C16orf96: variants seen among roughly 807,000 people sequenced by gnomAD.
The protein encoded by C16orf96 is uncharacterized protein C16orf96.
A neutral mutation model predicts 103.6 loss-of-function variants in C16orf96; 108 were observed. The ratio of observed to expected loss-of-function variants is 1.04; its 90% CI spans 0.89 to 1.22. C16orf96 has a LOEUF of 1.22. C16orf96 is among the 50% of genes most tolerant of loss of function. C16orf96 has a pLI of 0.00. For synonymous variants in C16orf96, 566 were observed against 593.5 expected, an observed-to-expected ratio of 0.95 and a Z score of 0.67; for missense variants, 1,586 against 1,464.2, an observed-to-expected ratio of 1.08 and a Z score of -1.36.
the C16orf96 span, chr16:4,538,787 G>C: frequency 1.3e-5 from 2 of 152,200 alleles, no homozygotes; most frequent in Non-Finnish European, 2.9e-5. Flanking sequence ...ACAAGGAGGC[G>C]GGTAGACTTT....
intron 1 of C16orf96, among the ~76,000 whole-genome samples, chr16:4,565,808 G>A: frequency 6.6e-6 from 1 of 152,270 alleles, no homozygotes; most frequent in East Asian, 1.9e-4. Flanking sequence ...CCTTTTGACT[G>A]TTATGAATAT....
chr16:4,560,040 C>G (rs1419610948), intron 1 of C16orf96: 3 of 152,066 alleles, frequency 2.0e-5, no homozygotes, highest in Non-Finnish European at 2.9e-5. Flanking sequence ...TTTTTTGAGA[C>G]AGAGTCTCAC....
At position 4,556,922 on chromosome 16, in the gene C16orf96, C is replaced by G. The variant is rs1392494839; in HGVS notation, c.420+13C>G. 9.2e-6 allele frequency: 14 copies of G among 1,524,304 alleles called. No individual in the cohort carries two copies. The highest frequency in any genetic ancestry group is 1.1e-5 in the Non-Finnish European group (12 of 1,130,360). 94.4% of individuals were successfully genotyped at this position (1,524,304 alleles called of 1,614,324 possible). A position where few individuals can be genotyped will look rare whatever the true frequency, so the allele number is the denominator to read the frequency against. On this transcript the variant is annotated intron_variant, in intron 1 of 15. Coordinates refer to ENST00000444310, the MANE Select transcript of C16orf96 (RefSeq NM_001145011.2). Reference sequence around the variant, plus strand: ...AGTCATGGCCAAGGTACGCCCCCAGCCTCCAGACACTTCTTTTCCTCCCTT... The same window carrying G: ...AGTCATGGCCAAGGTACGCCCCCAGGCTCCAGACACTTCTTTTCCTCCCTT...
rs1324276352 is a variant in C16orf96 at position 4,556,596 on chromosome 16, A to G, written c.107A>G (p.His36Arg). The G allele has an allele frequency of 2.6e-6, 4 of 1,551,722 alleles. No homozygotes were observed. Among genetic ancestry groups the G allele is most frequent in the Non-Finnish European group, 3.5e-6 (4 of 1,147,016 alleles). Residue 36 changes from histidine (H) to arginine (R), a missense_variant, in exon 1 of 16, where the codon CAC (histidine) becomes CGC (arginine). Transcript: ENST00000444310. ...CTCCTGCTGCACGGCATCTTGGAGC[A>G]CATCCACATGGCCGAGCTCAAGAAA... The part of the protein sequence containing the change: ...LHLLLHGILE[H>R]IHMAELKKVL...
At chr16:4,540,831 ACTC>A in the C16orf96 span, among the ~76,000 whole-genome samples, 1 of 151,026 alleles carries the variant, frequency 6.6e-6, no homozygotes, top group Non-Finnish European at 1.5e-5. Context: ...CACTGTGACA[ACTC>A]CTAGGCTCAA....
At chr16:4,547,320 A>G in the C16orf96 span, among the ~76,000 whole-genome samples, 1 of 152,166 alleles carries the variant, frequency 6.6e-6, no homozygotes, top group African/African-American at 2.4e-5. Context: ...TATTTATGGT[A>G]GAGATGGGGT....
At position 4,581,141 on chromosome 16, in the gene C16orf96, CATATATATATATATATATATATATATAT is replaced by C. The variant is rs58065868; in HGVS notation, c.2352+1032_2352+1059del. On this transcript the variant is annotated intron_variant, in intron 7 of 15. Coordinates refer to ENST00000444310, the MANE Select transcript of C16orf96 (RefSeq NM_001145011.2). ...CTCTGTCTAAAAATATATATGTATACATATATATATATATATATATATATATATATATATATATATATAATTAGCCAGG... is the reference window on the plus strand; with the variant it reads ...CTCTGTCTAAAAATATATATGTATACATATATATATATATAATTAGCCAGG... Among the ~76,000 whole-genome samples, 38 of 46,754 alleles carry C rather than the reference CATATATATATATATATATATATATATAT, an allele frequency of 8.1e-4. 1 individual carries two copies. Among genetic ancestry groups the C allele is most frequent in the East Asian group, 2.5e-3 (2 of 814 alleles). The allele number at this position is 46,754 out of a possible 152,430, so 30.7% of individuals were successfully genotyped here. A position where few individuals can be genotyped will look rare whatever the true frequency, so the allele number is the denominator to read the frequency against.
chr16:4,539,973 T>A, the C16orf96 span, among the ~76,000 whole-genome samples: 1 of 152,134 alleles, frequency 6.6e-6, no homozygotes, highest in Non-Finnish European at 1.5e-5. Flanking sequence ...AAATTACCCT[T>A]TAAAAACTCT....
At chr16:4,581,436 A>G (rs2141735136) in intron 7 of C16orf96, among the ~76,000 whole-genome samples, 1 of 151,580 alleles carries the variant, frequency 6.6e-6, no homozygotes, top group East Asian at 2.0e-4. Flanking sequence ...GATTGAGACC[A>G]TCCTAGCTAA....
At chr16:4,581,172 ATATATATATAT>A (rs2059583599) in intron 7 of C16orf96, among the ~76,000 whole-genome samples, 1 of 124,612 alleles carries the variant, frequency 8.0e-6, no homozygotes, top group African/African-American at 3.1e-5. Context: ...ATATATATAT[ATATATATATAT>A]AATTAGCCAG....
At chr16:4,587,584 G>A (rs1038923629) in intron 8 of C16orf96, among the ~76,000 whole-genome samples, 6 of 150,924 alleles carry the variant, frequency 4.0e-5, no homozygotes, top group African/African-American at 1.5e-4. Flanking sequence ...AAGGAAAACA[G>A]GAGGCACATC....
the C16orf96 span, among the ~76,000 whole-genome samples, chr16:4,545,001 G>A: frequency 6.6e-6 from 1 of 152,134 alleles, no homozygotes; most frequent in South Asian, 2.1e-4. Context: ...AAAACCTATA[G>A]TACACGAATA....
the C16orf96 span, among the ~76,000 whole-genome samples, chr16:4,551,242 C>T: frequency 1.1e-3 from 164 of 152,314 alleles, 1 homozygote; most frequent in Middle Eastern, 6.8e-3. Flanking sequence ...TGCACTCCAG[C>T]CTGGGTGACA....
intron 1 of C16orf96, chr16:4,563,068 T>C (rs1328663514): frequency 4.8e-6 from 4 of 830,064 alleles, no homozygotes; most frequent in Non-Finnish European, 8.2e-6. Context: ...AAGTTTCGCC[T>C]GTCTTTTGCT....
At chr16:4,542,998 C>G in the C16orf96 span, among the ~76,000 whole-genome samples, 2 of 152,052 alleles carry the variant, frequency 1.3e-5, no homozygotes, top group Non-Finnish European at 2.9e-5. Flanking sequence ...CAAGCAAGGT[C>G]CTGTTCTAGG....
intron 8 of C16orf96, among the ~76,000 whole-genome samples, chr16:4,587,360 T>C (rs1383625959): frequency 1.3e-5 from 2 of 151,664 alleles, no homozygotes; most frequent in African/African-American, 4.8e-5. Flanking sequence ...AAACTCCGTC[T>C]CTAGTCAAAA....
Position 4,593,096 on chromosome 16 carries a change from G to C in C16orf96, c.2775-128G>C. 1 of 843,438 alleles carries C rather than the reference G, an allele frequency of 1.2e-6. No homozygotes were observed. 52.2% of individuals were successfully genotyped at this position (843,438 alleles called of 1,614,324 possible). The stretch of plus-strand genomic sequence containing the variant: ...TATGCTGTGGACGCTTCTGGCATTC[G>C]AGGGTGGTGACCTGAGTCTGCACCT... On this transcript the variant is annotated intron_variant, in intron 11 of 15. Coordinates refer to ENST00000444310, the MANE Select transcript of C16orf96 (RefSeq NM_001145011.2). This position sits in a 1 kb window ranked among gnomAD's most constrained non-coding sequence, Gnocchi z 4.2.
At chr16:4,588,725 T>C (rs1027614037) in intron 9 of C16orf96, among the ~76,000 whole-genome samples, 3 of 64,684 alleles carry the variant, frequency 4.6e-5, no homozygotes, top group South Asian at 9.9e-4. Flanking sequence ...TTTTTTTTTT[T>C]CATACAGGGC....
chr16:4,563,957 G>A (rs1013445414), intron 1 of C16orf96, among the ~76,000 whole-genome samples: 7 of 151,352 alleles, frequency 4.6e-5, no homozygotes, highest in African/African-American at 7.3e-5. Flanking sequence ...CAGCACTTTC[G>A]GAGGCCGAAG....
Sources: gnomAD v4.1 joint callset for allele counts (sites outside exome capture counted in the v4.1 genomes callset) on GRCh38, gnomAD v4.1.1 for gene constraint, Gnocchi (gnomAD v3.1) non-coding constraint, MANE v1.5 for transcripts, NCBI Gene and HGNC (gene_info 2026-07-23, HGNC 2026-07-21) for gene names.